Variants in FAT1 observed in about 807,000 individuals in gnomAD.
The protein encoded by FAT1 is protocadherin Fat 1.
In FAT1, 171 loss-of-function variants were observed where a neutral mutation model predicts 329.8. The observed-to-expected ratio is 0.52, with a 90% confidence interval of 0.46 to 0.59. The LOEUF is 0.59. FAT1 is among the 20% of genes least tolerant of loss of function. FAT1 has a pLI of 0.00. For missense variants in FAT1, 5,672 were observed against 5,774.4 expected (o/e 0.98, Z 0.57); for synonymous variants, 2,233 against 2,228.6 (o/e 1.00, Z -0.06).
At chr4:186,662,550 A>T (rs1373675214) in intron 3 of FAT1, among the ~76,000 whole-genome samples, 1 of 152,170 alleles carries the variant, frequency 6.6e-6, no homozygotes, top group Non-Finnish European at 1.5e-5. Flanking sequence ...CCAATCCCTT[A>T]CCACCTGCAG....
intron 3 of FAT1, among the ~76,000 whole-genome samples, chr4:186,647,285 T>A (rs974366504): frequency 3.9e-5 from 6 of 152,200 alleles, no homozygotes; most frequent in Admixed American, 3.3e-4. Flanking sequence ...GTAGGCATTT[T>A]ATATGCGTCA....
chr4:186,659,813 G>T lies in FAT1; in HGVS notation c.3580+3486C>A, dbSNP rs554526213. ...AATCCGGCTGTGGCACCTGTCCCCT[G>T]AACGACCCTGGGTGCTCCTGCACTC... On this transcript the variant is annotated intron_variant, in intron 3 of 26. Coordinates refer to ENST00000441802, the MANE Select transcript of FAT1 (RefSeq NM_005245.4). Among the ~76,000 whole-genome samples the T allele has an allele frequency of 2.5e-3, 371 of 146,714 alleles. 1 individual carries two copies. Among genetic ancestry groups the T allele is most frequent in the Non-Finnish European group, 3.9e-3 (264 of 66,936 alleles).
chr4:186,681,637 G>C (rs901471727), intron 2 of FAT1, among the ~76,000 whole-genome samples: 2 of 152,228 alleles, frequency 1.3e-5, no homozygotes, highest in Non-Finnish European at 2.9e-5. Context: ...CCACAGCAAC[G>C]TTGTTCACTG....
chr4:186,717,935 T>G (rs1272464772), intron 1 of FAT1, among the ~76,000 whole-genome samples: 3 of 152,182 alleles, frequency 2.0e-5, no homozygotes, highest in Admixed American at 1.3e-4. Flanking sequence ...CTCTTGTGAA[T>G]GGAGATCATC....
chr4:186,630,666 C>T (rs1287779904), intron 7 of FAT1, among the ~76,000 whole-genome samples: 2 of 152,042 alleles, frequency 1.3e-5, no homozygotes, highest in African/African-American at 2.4e-5. Flanking sequence ...AAGCACCCTG[C>T]GGGTCACCTC....
chr4:186,601,126 T>C (rs984071462), intron 21 of FAT1, 143 bp downstream of exon 21: 1 of 748,234 alleles, frequency 1.3e-6, no homozygotes, highest in Non-Finnish European at 2.0e-6. Flanking sequence ...CTAAAACTTG[T>C]ACAGGCATCA....
rs1196984919 is a variant in FAT1 at position 186,620,914 on chromosome 4, G to C, written c.5672C>G (p.Pro1891Arg). 1.2e-6 allele frequency: 2 copies of C among 1,613,964 alleles called. No individual in the cohort carries two copies. Among genetic ancestry groups the C allele is most frequent in the Non-Finnish European group, 1.7e-6 (2 of 1,179,874 alleles). Residue 1891 changes from proline (P) to arginine (R), a missense_variant, in exon 10 of 27, where the codon CCA becomes CGA. This residue lies in a region of FAT1 where 3,966 missense variants were observed against 3,915.2 expected (regional missense o/e 1.01). Coordinates refer to ENST00000441802, the MANE Select transcript of FAT1 (RefSeq NM_005245.4). ...KPLYEASLLL[P>R]TYKGVKVITV... Reference sequence around the variant, plus strand: ...GATGACTTTTACTCCTTTGTATGTTGGTAACAAAAGAGATGCTTCATATAA... The same window carrying C: ...GATGACTTTTACTCCTTTGTATGTTCGTAACAAAAGAGATGCTTCATATAA...
intron 2 of FAT1, among the ~76,000 whole-genome samples, chr4:186,682,662 G>C (rs1479177167): frequency 6.6e-6 from 1 of 152,118 alleles, no homozygotes; most frequent in Non-Finnish European, 1.5e-5. Flanking sequence ...AGTTAAAACA[G>C]CAATCTTATT....
In FAT1 at chr4:186,603,202, T is replaced by A. The variant is rs1487528042; in HGVS notation, c.11324A>T (p.His3775Leu). The A allele has an allele frequency of 6.2e-7, 1 of 1,613,636 alleles. No individual in the cohort carries two copies. Among genetic ancestry groups the A allele is most frequent in the East Asian group, 2.2e-5 (1 of 44,886 alleles). The change falls in exon 19 of 27, where the codon CAC becomes CTC. Residue 3775 changes from histidine to leucine, a missense_variant. Coordinates refer to ENST00000441802, the MANE Select transcript of FAT1 (RefSeq NM_005245.4). ...TTTGCAGAGACACACCGCTGCCCTG[T>A]GGTGGCGGGGAGTCACAAAACTCAG... Reference protein sequence around the residue: ...ARLSFVTPRHHRAAVCLCKEG... With the variant: ...ARLSFVTPRHLRAAVCLCKEG...
intron 2 of FAT1, among the ~76,000 whole-genome samples, chr4:186,704,088 G>GT (rs1206637738): frequency 6.6e-6 from 1 of 152,092 alleles, no homozygotes; most frequent in Non-Finnish European, 1.5e-5. Context: ...GCATATAAAC[G>GT]TAAGTCTACT....
intron 1 of FAT1, among the ~76,000 whole-genome samples, chr4:186,713,921 A>G (rs1745087844): frequency 6.6e-6 from 1 of 152,220 alleles, no homozygotes. Context: ...ACCCAGGCTC[A>G]AGCGATCTGC....
chr4:186,678,548 T>C (rs1743054247), intron 2 of FAT1, among the ~76,000 whole-genome samples: 1 of 148,912 alleles, frequency 6.7e-6, no homozygotes, highest in South Asian at 2.1e-4. Flanking sequence ...TGTATAGCTA[T>C]GTAAATATAT....
chr4:186,645,415 ATATATAT>A (rs1560962544), intron 3 of FAT1, among the ~76,000 whole-genome samples: 42 of 70,738 alleles, frequency 5.9e-4, no homozygotes, highest in African/African-American at 2.3e-3. Flanking sequence ...ATATATATAT[ATATATAT>A]GCCTGTAAAA....
intron 2 of FAT1, among the ~76,000 whole-genome samples, chr4:186,687,263 A>G (rs181548829): frequency 6.6e-6 from 1 of 152,288 alleles, no homozygotes; most frequent in East Asian, 1.9e-4. Context: ...CTGAATTAGT[A>G]TTTTCCACTC....
chr4:186,715,055 G>A (rs1159263568), intron 1 of FAT1, among the ~76,000 whole-genome samples: 2 of 151,690 alleles, frequency 1.3e-5, no homozygotes, highest in Non-Finnish European at 2.9e-5. Flanking sequence ...TCCAGCCTAG[G>A]TGACAGAGCA....
chr4:186,695,458 AG>A (rs1220306053), intron 2 of FAT1, among the ~76,000 whole-genome samples: 1 of 152,242 alleles, frequency 6.6e-6, no homozygotes, highest in East Asian at 1.9e-4. Context: ...TATGGGAGAC[AG>A]GGTGTCTCAA....
chr4:186,713,167 G>A (rs1745045183), intron 1 of FAT1, among the ~76,000 whole-genome samples: 1 of 151,100 alleles, frequency 6.6e-6, no homozygotes, highest in African/African-American at 2.4e-5. Flanking sequence ...TTTACCCAAG[G>A]CCTTCTCTCC....
intron 2 of FAT1, among the ~76,000 whole-genome samples, chr4:186,698,279 G>A (rs752782103): frequency 3.9e-5 from 6 of 152,098 alleles, no homozygotes; most frequent in Non-Finnish European, 7.4e-5. Context: ...CACAGGAAGT[G>A]CCCCCGCAGC....
chr4:186,591,684 T>C (rs1322657427), intron 26 of FAT1, among the ~76,000 whole-genome samples: 2 of 152,218 alleles, frequency 1.3e-5, no homozygotes, highest in Admixed American at 6.5e-5. Flanking sequence ...AAAATACAGG[T>C]ATGTTTCTGA....
Sources: gnomAD v4.1 joint callset for allele counts (sites outside exome capture counted in the v4.1 genomes callset) on GRCh38, gnomAD v4.1.1 for gene constraint, gnomAD v4.1.1 regional missense constraint, MANE v1.5 for transcripts, NCBI Gene and HGNC (gene_info 2026-07-23, HGNC 2026-07-21) for gene names.